Variants in USH2A observed in about 807,000 individuals in gnomAD.
USH2A encodes the protein usherin.
USH2A carries 443 observed loss-of-function variants against 538.9 expected under a neutral mutation model. The ratio of observed to expected loss-of-function variants is 0.82; its 90% CI spans 0.76 to 0.89. The LOEUF is 0.89. USH2A is among the 40% of genes least tolerant of loss of function. The probability of loss-of-function intolerance (pLI) is 0.00; values close to 1 mark genes in which losing one functional copy is unlikely to be tolerated. For missense variants in USH2A, 6,633 were observed against 6,324.8 expected (o/e 1.05, Z -1.65); for synonymous variants, 2,413 against 2,273.5 (o/e 1.06, Z -1.75).
chr1:215,871,830 C>T (rs1558137505), intron 43 of USH2A, among the ~76,000 whole-genome samples: 1 of 152,158 alleles, frequency 6.6e-6, no homozygotes, highest in Middle Eastern at 3.4e-3. Flanking sequence ...ACATTTGGGG[C>T]AGGTTTTGAT....
intron 9 of USH2A, among the ~76,000 whole-genome samples, chr1:216,317,088 G>C (rs1028135582): frequency 1.3e-5 from 2 of 152,162 alleles, no homozygotes; most frequent in African/African-American, 4.8e-5. Flanking sequence ...AGGTTGTGGA[G>C]AAAAGGGAAC....
At chr1:215,998,598 T>A (rs1668190248) in intron 34 of USH2A, among the ~76,000 whole-genome samples, 1 of 152,124 alleles carries the variant, frequency 6.6e-6, no homozygotes, top group African/African-American at 2.4e-5. Flanking sequence ...TTAACAATTA[T>A]GATGTTCTAC....
chr1:215,984,643 A>G, intron 35 of USH2A, among the ~76,000 whole-genome samples: 1 of 152,244 alleles, frequency 6.6e-6, no homozygotes, highest in Admixed American at 6.5e-5. Context: ...AAGGAAATTC[A>G]ATGCAAGTAC....
At chr1:216,368,697 T>C (rs745341870) in intron 3 of USH2A, among the ~76,000 whole-genome samples, 1 of 152,222 alleles carries the variant, frequency 6.6e-6, no homozygotes, top group Non-Finnish European at 1.5e-5. Flanking sequence ...TAAATGATGA[T>C]GGTTGTTTCT....
At chr1:216,403,697 T>C (rs1260703590) in intron 3 of USH2A, among the ~76,000 whole-genome samples, 1 of 152,186 alleles carries the variant, frequency 6.6e-6, no homozygotes, top group Non-Finnish European at 1.5e-5. Context: ...TGAAACACTT[T>C]ATGGGTAAGC....
At chr1:215,655,595 A>C (rs1269647404) in intron 64 of USH2A, among the ~76,000 whole-genome samples, 3 of 152,138 alleles carry the variant, frequency 2.0e-5, no homozygotes, top group Non-Finnish European at 4.4e-5. Flanking sequence ...GAACAGAAGC[A>C]TTGTAATAAT....
intron 58 of USH2A, among the ~76,000 whole-genome samples, chr1:215,754,722 G>T (rs1660736635): frequency 6.6e-6 from 1 of 152,120 alleles, no homozygotes; most frequent in Non-Finnish European, 1.5e-5. Context: ...ATTTATGTTG[G>T]GTGGCATTCA....
chr1:216,027,804 C>T (rs146655501), intron 32 of USH2A, among the ~76,000 whole-genome samples: 429 of 152,244 alleles, frequency 2.8e-3, no homozygotes, highest in African/African-American at 9.9e-3. Flanking sequence ...TCCAAGAATA[C>T]ATTGATAATG....
chr1:215,855,331 T>C (rs554656594), intron 44 of USH2A, among the ~76,000 whole-genome samples: 26 of 152,288 alleles, frequency 1.7e-4, no homozygotes, highest in Non-Finnish European at 3.5e-4. Flanking sequence ...CACAAATCAG[T>C]AGCACTGTTA....
At chr1:216,409,294 A>C (rs2039443745) in intron 3 of USH2A, among the ~76,000 whole-genome samples, 1 of 152,198 alleles carries the variant, frequency 6.6e-6, no homozygotes, top group Non-Finnish European at 1.5e-5. Flanking sequence ...TATCGTTAAA[A>C]TGGCCATATT....
rs561674759 is a variant in USH2A at position 216,167,121 on chromosome 1, T to C, written c.4627+8131A>G. Among the ~76,000 whole-genome samples the C allele has an allele frequency of 4.6e-5, 7 of 152,136 alleles. No homozygotes were observed. The South Asian group carries it at 1.5e-3, about 32-fold the overall frequency. ...ATGTTTGTGAGCCTCCTTATATATA[T>C]ATACCTTAAATATGGTTTTCATATT... On this transcript the variant is annotated intron_variant, in intron 21 of 71. Coordinates refer to ENST00000307340, the MANE Select transcript of USH2A (RefSeq NM_206933.4).
At chr1:216,219,505 A>G (rs924028872) in intron 14 of USH2A, among the ~76,000 whole-genome samples, 6 of 152,124 alleles carry the variant, frequency 3.9e-5, no homozygotes, top group Admixed American at 3.9e-4. Flanking sequence ...ATGTCATTTT[A>G]TAAGTTATCC....
chr1:215,710,821 G>GA (rs1158705873), intron 61 of USH2A, among the ~76,000 whole-genome samples: 6 of 151,576 alleles, frequency 4.0e-5, no homozygotes, highest in South Asian at 2.1e-4. Flanking sequence ...TCAAAAGTTA[G>GA]AAAAAAAAGA....
At chr1:216,104,529 C>A (rs2032683017) in intron 21 of USH2A, among the ~76,000 whole-genome samples, 2 of 152,064 alleles carry the variant, frequency 1.3e-5, no homozygotes. Flanking sequence ...TATGTACAAC[C>A]ATCTGATCTT....
At chr1:216,192,270 A>C (rs2034732160) in intron 19 of USH2A, among the ~76,000 whole-genome samples, 1 of 152,114 alleles carries the variant, frequency 6.6e-6, no homozygotes, top group African/African-American at 2.4e-5. Flanking sequence ...AGATTATAAC[A>C]AGACATACTC....
At chr1:216,403,840 G>T (rs1307778637) in intron 3 of USH2A, among the ~76,000 whole-genome samples, 1 of 152,030 alleles carries the variant, frequency 6.6e-6, no homozygotes, top group African/African-American at 2.4e-5. Flanking sequence ...AGATCATGGG[G>T]GCAGTTTCCC....
chr1:216,400,740 G>C lies in USH2A; in HGVS notation c.651+17774C>G, dbSNP rs1042976427. ...GTAAATACCAGTTCAAATGACAACA[G>C]ATTTCTCATCTGAAAAATTAGAAGC... is the stretch of plus-strand genomic sequence containing the variant. On this transcript the variant is annotated intron_variant, in intron 3 of 71. Coordinates refer to ENST00000307340, the MANE Select transcript of USH2A (RefSeq NM_206933.4). Among the ~76,000 whole-genome samples the C allele has an allele frequency of 2.6e-5, 4 of 152,242 alleles. No homozygotes were observed. In the East Asian group the frequency reaches 5.8e-4, roughly 22 times the overall value.
chr1:216,056,061 T>G (rs2030965545), intron 30 of USH2A, among the ~76,000 whole-genome samples: 1 of 152,190 alleles, frequency 6.6e-6, no homozygotes, highest in Admixed American at 6.5e-5. Context: ...AACAGTGATT[T>G]TAATTGACCT....
At chr1:215,959,197 G>C (rs1316030554) in intron 37 of USH2A, among the ~76,000 whole-genome samples, 1 of 151,492 alleles carries the variant, frequency 6.6e-6, no homozygotes, top group East Asian at 1.9e-4. Context: ...GGAAAAATGG[G>C]AAGACAAACC....
Sources: gnomAD v4.1 joint callset for allele counts (sites outside exome capture counted in the v4.1 genomes callset) on GRCh38, gnomAD v4.1.1 for gene constraint, MANE v1.5 for transcripts, NCBI Gene and HGNC (gene_info 2026-07-23, HGNC 2026-07-21) for gene names.